NTM: variants seen among roughly 807,000 people sequenced by gnomAD.
NTM encodes neurotrimin, also known as IgLON family member 2.
A neutral mutation model predicts 42.1 loss-of-function variants in NTM; 13 were observed. That is an observed-to-expected ratio of 0.31 (90% CI 0.20 to 0.49). The LOEUF (loss-of-function observed/expected upper bound fraction) is 0.49, where lower values mean the gene tolerates loss of function less well. Ranked by LOEUF, NTM falls within the 20% of genes least tolerant of loss-of-function variation. The probability of loss-of-function intolerance (pLI) is 0.99; values close to 1 mark genes in which losing one functional copy is unlikely to be tolerated. For missense variants in NTM, 373 were observed against 452.8 expected (o/e 0.82, Z 1.60); for synonymous variants, 187 against 179.2 (o/e 1.04, Z -0.35).
chr11:131,692,339 C>A (rs2074891297), intron 1 of NTM, among the ~76,000 whole-genome samples: 2 of 151,954 alleles, frequency 1.3e-5, no homozygotes, highest in Admixed American at 1.3e-4. Context: ...GATGCTGACA[C>A]AGGGCTAGCC....
At chr11:131,558,683 A>G (rs1241562293) in intron 1 of NTM, among the ~76,000 whole-genome samples, 2 of 152,140 alleles carry the variant, frequency 1.3e-5, no homozygotes, top group Non-Finnish European at 2.9e-5. Flanking sequence ...CTTGGCCTAA[A>G]TAGTAGGGAG....
At chr11:131,596,624 C>T (rs1044501260) in intron 1 of NTM, among the ~76,000 whole-genome samples, 6 of 152,190 alleles carry the variant, frequency 3.9e-5, no homozygotes, top group African/African-American at 7.2e-5. Flanking sequence ...GGTAAATCTG[C>T]GGGAGCAGAA....
chr11:132,172,207 T>G (rs931668358), intron 3 of NTM, among the ~76,000 whole-genome samples: 7 of 152,250 alleles, frequency 4.6e-5, no homozygotes, highest in African/African-American at 1.7e-4. Flanking sequence ...TGATGCGATT[T>G]ATGTCTATTC....
chr11:131,392,015 G>C (rs1484432658), intron 1 of NTM, among the ~76,000 whole-genome samples: 1 of 152,188 alleles, frequency 6.6e-6, no homozygotes, highest in Non-Finnish European at 1.5e-5. Flanking sequence ...ATTTAACTTT[G>C]ATTTCAATTT....
chr11:131,767,427 A>G (rs1018774470), intron 1 of NTM, among the ~76,000 whole-genome samples: 1 of 152,150 alleles, frequency 6.6e-6, no homozygotes. Flanking sequence ...CATGCTGTGG[A>G]CTACATATTT....
intron 4 of NTM, among the ~76,000 whole-genome samples, chr11:132,293,469 T>C (rs1367767710): frequency 6.6e-6 from 1 of 151,800 alleles, no homozygotes; most frequent in East Asian, 1.9e-4. Context: ...GCAGGAGAGG[T>C]TCCTGAGTGC....
At chr11:131,406,322 G>A (rs921026376) in intron 1 of NTM, among the ~76,000 whole-genome samples, 3 of 152,134 alleles carry the variant, frequency 2.0e-5, no homozygotes, top group Non-Finnish European at 2.9e-5. Context: ...ACTGGGACAA[G>A]TTGTTTAACT....
chr11:131,694,482 A>G (rs559829810), intron 1 of NTM, among the ~76,000 whole-genome samples: 1 of 152,354 alleles, frequency 6.6e-6, no homozygotes, highest in African/African-American at 2.4e-5. Flanking sequence ...TTAGGTCTGC[A>G]CCCAGCTCAG....
rs981491418 is a variant in NTM at position 132,003,581 on chromosome 11, C to T, written c.167+91933C>T. 1.3e-5 allele frequency among the ~76,000 whole-genome samples: 2 copies of T among 152,092 alleles called. No homozygotes were observed. The highest frequency in any genetic ancestry group is 4.8e-5 in the African/African-American group (2 of 41,432). On this transcript the variant is annotated intron_variant, in intron 2 of 8. Transcript: ENST00000683400. This position sits in a 1 kb window ranked among gnomAD's most constrained non-coding sequence, Gnocchi z 6.0. ...ATTTTTAACAAGTTCCTGGGTAAAA[C>T]TGATCCTTGTGGTCTGGGGACCACA... is the stretch of plus-strand genomic sequence containing the variant.
chr11:132,070,560 AACAC>A (rs1178340655), intron 2 of NTM, among the ~76,000 whole-genome samples: 2 of 126,584 alleles, frequency 1.6e-5, no homozygotes, highest in African/African-American at 6.0e-5. Flanking sequence ...CAGTTTAGTT[AACAC>A]GTCACACAGC....
At chr11:131,828,252 C>T (rs894787564) in intron 1 of NTM, among the ~76,000 whole-genome samples, 2 of 152,088 alleles carry the variant, frequency 1.3e-5, no homozygotes, top group Non-Finnish European at 2.9e-5. Context: ...ATTATTTGTA[C>T]TCTCGTCACT....
intron 1 of NTM, among the ~76,000 whole-genome samples, chr11:131,584,747 T>C (rs1017028522): frequency 6.6e-6 from 1 of 152,234 alleles, no homozygotes; most frequent in African/African-American, 2.4e-5. Flanking sequence ...ACGGAGCCAT[T>C]TCACTCTTTG....
chr11:131,623,156 C>T (rs1050658475), intron 1 of NTM, among the ~76,000 whole-genome samples: 1 of 152,140 alleles, frequency 6.6e-6, no homozygotes. Context: ...CCTTAAGTGG[C>T]AGTGTGGGTG....
chr11:131,383,601 A>G (rs544445848), intron 1 of NTM, among the ~76,000 whole-genome samples: 4 of 152,230 alleles, frequency 2.6e-5, no homozygotes, highest in Admixed American at 2.0e-4. Context: ...GTGTGTTTGT[A>G]TGGGGTGATG....
At chr11:132,114,257 G>A (rs1311785745) in intron 2 of NTM, among the ~76,000 whole-genome samples, 2 of 152,218 alleles carry the variant, frequency 1.3e-5, no homozygotes, top group Non-Finnish European at 2.9e-5. Flanking sequence ...TATCAAGGCA[G>A]TTGGCTTCCT....
chr11:131,971,084 G>A (rs539502908), intron 2 of NTM, among the ~76,000 whole-genome samples: 6 of 151,946 alleles, frequency 3.9e-5, no homozygotes, highest in African/African-American at 1.2e-4. Flanking sequence ...CATAGCCAGC[G>A]GTGATTTTGC....
intron 1 of NTM, among the ~76,000 whole-genome samples, chr11:131,635,088 G>A (rs2064191984): frequency 1.3e-5 from 2 of 152,200 alleles, no homozygotes; most frequent in Non-Finnish European, 2.9e-5. Flanking sequence ...TAGTGCTGTT[G>A]TAACCATCGT....
At chr11:131,945,270 T>G (rs1299917050) in intron 2 of NTM, among the ~76,000 whole-genome samples, 2 of 152,236 alleles carry the variant, frequency 1.3e-5, no homozygotes, top group Non-Finnish European at 2.9e-5. Context: ...AGGTCTGCTG[T>G]AGCACTTAAC....
chr11:132,112,717 T>TCACACACACA, intron 2 of NTM, among the ~76,000 whole-genome samples: 1 of 77,140 alleles, frequency 1.3e-5, no homozygotes, highest in African/African-American at 5.9e-5. Context: ...GACTGCACAC[T>TCACACACACA]TACACACACA....
Sources: allele counts gnomAD v4.1 joint callset (sites outside exome capture counted in the v4.1 genomes callset), GRCh38; gene constraint gnomAD v4.1.1; non-coding constraint Gnocchi (gnomAD v3.1); transcripts MANE v1.5; gene names NCBI Gene and HGNC (gene_info 2026-07-23, HGNC 2026-07-21).